Variants in RGMA observed in about 807,000 individuals in gnomAD.
The protein encoded by RGMA is repulsive guidance molecule A.
Under a neutral mutation model 23.2 loss-of-function variants are expected in RGMA, and 10 were observed. The ratio of observed to expected loss-of-function variants is 0.43; its 90% CI spans 0.27 to 0.73. The LOEUF (loss-of-function observed/expected upper bound fraction) is 0.73. Ranked by LOEUF, RGMA falls within the 30% of genes least tolerant of loss-of-function variation. The probability of loss-of-function intolerance (pLI) is 0.20; values close to 1 mark genes in which losing one functional copy is unlikely to be tolerated. For missense variants in RGMA, 547 were observed against 630.5 expected, an observed-to-expected ratio of 0.87 and a Z score of 1.42; for synonymous variants, 308 against 279.3, an observed-to-expected ratio of 1.10 and a Z score of -1.03.
At chr15:93,067,362 T>C (rs1895191418) in intron 2 of RGMA, among the ~76,000 whole-genome samples, 1 of 151,972 alleles carries the variant, frequency 6.6e-6, no homozygotes, top group African/African-American at 2.4e-5. Flanking sequence ...CCAAGGGCCC[T>C]GTAGTTCCCA....
chr15:93,043,163 CACATGCGCACACACATGCCT>C lies in RGMA; in HGVS notation c.*1815_*1834del, dbSNP rs1285805688. 2.6e-5 allele frequency: 4 copies of C among 152,284 alleles called. No homozygotes were observed. Among genetic ancestry groups the C allele is most frequent in the African/African-American group, 4.8e-5 (2 of 41,440 alleles). 9.4% of individuals were successfully genotyped at this position (152,284 alleles called of 1,614,324 possible). ...CCTTCACACCATTCTCACGCACATA[CACATGCGCACACACATGCCT>C]ACATGCACACACATAGGCATGGGCG... On this transcript the variant is annotated 3_prime_UTR_variant, in exon 4 of 4. Coordinates refer to ENST00000329082, the MANE Select transcript of RGMA (RefSeq NM_020211.3).
At chr15:93,069,425 A>AT (rs1895256087) in intron 2 of RGMA, among the ~76,000 whole-genome samples, 1 of 152,238 alleles carries the variant, frequency 6.6e-6, no homozygotes, top group African/African-American at 2.4e-5. Flanking sequence ...ATTTTTGAAT[A>AT]GCAGCTCTGA....
In RGMA at chr15:93,043,356, C is replaced by G. The variant is rs1444890197; in HGVS notation, c.*1642G>C. 6.6e-6 allele frequency: 1 copy of G among 152,470 alleles called. No homozygotes were observed. The highest frequency in any genetic ancestry group is 2.4e-5 in the African/African-American group (1 of 41,388). 9.4% of individuals were successfully genotyped at this position (152,470 alleles called of 1,614,324 possible). A position where few individuals can be genotyped will look rare whatever the true frequency, so the allele number is the denominator to read the frequency against. ...TCCCACCACCAAAGTCCATCCTCCA[C>G]CCGCCTCAAGGGAGCCAAAGTCTGT... On this transcript the variant is annotated 3_prime_UTR_variant, in exon 4 of 4. Coordinates refer to ENST00000329082, the MANE Select transcript of RGMA (RefSeq NM_020211.3).
chr15:93,075,592 T>C (rs2141844190), intron 1 of RGMA, among the ~76,000 whole-genome samples: 1 of 152,258 alleles, frequency 6.6e-6, no homozygotes, highest in Admixed American at 6.5e-5. Flanking sequence ...TTCAGTTGGT[T>C]CTTCTCGCAG....
intron 1 of RGMA, among the ~76,000 whole-genome samples, chr15:93,081,453 A>G (rs1484928679): frequency 6.6e-6 from 1 of 152,216 alleles, no homozygotes; most frequent in Non-Finnish European, 1.5e-5. Flanking sequence ...ACCTGAAACC[A>G]TACCTTAGAA....
In RGMA at chr15:93,038,618, A is replaced by G. The variant is rs1288128528; in HGVS notation, c.*6380T>C. 7.8e-6 allele frequency: 1 copy of G among 128,602 alleles called. No individual in the cohort carries two copies. The highest frequency in any genetic ancestry group is 1.6e-5 in the Non-Finnish European group (1 of 60,986). 8.0% of individuals were successfully genotyped at this position (128,602 alleles called of 1,614,324 possible). ...TGTCTTGCTCTGTCGCCCAGGCTGG[A>G]GGCTGGAGTGCAGTGGTGCGATCTC... On this transcript the variant is annotated 3_prime_UTR_variant, in exon 4 of 4. Transcript: ENST00000329082.
chr15:93,072,783 C>G (rs1010606942), intron 2 of RGMA, 133 bp downstream of exon 2: 25 of 1,012,856 alleles, frequency 2.5e-5, no homozygotes, highest in Non-Finnish European at 3.3e-5. Flanking sequence ...AAACAAAAGA[C>G]CCGTGGAAAT....
At chr15:93,054,816 G>A (rs754684371) in intron 2 of RGMA, among the ~76,000 whole-genome samples, 1 of 152,164 alleles carries the variant, frequency 6.6e-6, no homozygotes, top group Admixed American at 6.5e-5. Flanking sequence ...TCCCTCCCAA[G>A]GCAACGAGAA....
rs974616634 is a variant in RGMA at position 93,042,220 on chromosome 15, A to G, written c.*2778T>C. The G allele has an allele frequency of 6.6e-6, 1 of 152,296 alleles. No individual in the cohort carries two copies. Among genetic ancestry groups the G allele is most frequent in the Non-Finnish European group, 1.5e-5 (1 of 68,094 alleles). The allele number at this position is 152,296 out of a possible 1,614,324, so 9.4% of individuals were successfully genotyped here. On this transcript the variant is annotated 3_prime_UTR_variant, in exon 4 of 4. Coordinates refer to ENST00000329082, the MANE Select transcript of RGMA (RefSeq NM_020211.3). ...CTTCAGCCTTCCTGGTCTGCCTGGG[A>G]TTAATGAACTTGGCCACTCTTGGGA... is the stretch of plus-strand genomic sequence containing the variant.
At chr15:93,063,587 C>T (rs1181984089) in intron 2 of RGMA, among the ~76,000 whole-genome samples, 1 of 152,252 alleles carries the variant, frequency 6.6e-6, no homozygotes, top group African/African-American at 2.4e-5. Context: ...GAAAGGAACA[C>T]ACCCAGGTGA....
intron 2 of RGMA, chr15:93,065,491 G>A (rs527291856): frequency 2.2e-4 from 109 of 506,292 alleles, no homozygotes; most frequent in South Asian, 1.4e-3. Flanking sequence ...ATGAATTATG[G>A]GAAACGGGGA....
intron 2 of RGMA, among the ~76,000 whole-genome samples, chr15:93,061,640 TCTGA>T (rs1196849047): frequency 3.3e-5 from 5 of 152,332 alleles, no homozygotes; most frequent in African/African-American, 9.6e-5. Context: ...ACACAGCACG[TCTGA>T]CTTAGTTCTT....
At position 93,072,709 on chromosome 15, in the gene RGMA, CGGGCAGGGT is replaced by C. The variant is rs1484585084; in HGVS notation, c.130+198_130+206del. On this transcript the variant is annotated intron_variant, in intron 2 of 3. Coordinates refer to ENST00000329082, the MANE Select transcript of RGMA (RefSeq NM_020211.3). ...CACACGGCTCCATCTCACGGCAACT[CGGGCAGGGT>C]GCCCCTCTCCGGGTCCCCAAGGGCA... 4.6e-5 allele frequency among the ~76,000 whole-genome samples: 7 copies of C among 152,312 alleles called. No individual in the cohort carries two copies. In the South Asian group the frequency reaches 1.2e-3, roughly 27 times the overall value.
At chr15:93,078,335 C>G (rs1289606494) in intron 1 of RGMA, among the ~76,000 whole-genome samples, 2 of 152,254 alleles carry the variant, frequency 1.3e-5, no homozygotes, top group African/African-American at 4.8e-5. Context: ...CCACCATTCA[C>G]TTACTGACCA....
At chr15:93,056,972 G>A (rs911951494) in intron 2 of RGMA, among the ~76,000 whole-genome samples, 5 of 152,162 alleles carry the variant, frequency 3.3e-5, no homozygotes, top group African/African-American at 1.2e-4. Flanking sequence ...GGGACAGGAG[G>A]GGCATTGGAG....
chr15:93,049,839 G>C (rs921542066), intron 3 of RGMA, among the ~76,000 whole-genome samples: 2 of 152,228 alleles, frequency 1.3e-5, no homozygotes, highest in South Asian at 2.1e-4. Context: ...GAGGGGAAAG[G>C]GGAGTGGGTT....
chr15:93,060,370 T>C lies in RGMA; in HGVS notation c.131-7863A>G, dbSNP rs562673825. Among the ~76,000 whole-genome samples the C allele has an allele frequency of 1.4e-4, 21 of 152,280 alleles. No individual in the cohort carries two copies. In the East Asian group the frequency reaches 3.3e-3, roughly 24 times the overall value. Reference sequence around the variant, plus strand: ...CTTGAATTTTCCTGATTAGCTATAGTGGGGCAAAAAGGAGAATCCAGAAGT... The same window carrying C: ...CTTGAATTTTCCTGATTAGCTATAGCGGGGCAAAAAGGAGAATCCAGAAGT... On this transcript the variant is annotated intron_variant, in intron 2 of 3. Coordinates refer to ENST00000329082, the MANE Select transcript of RGMA (RefSeq NM_020211.3).
Position 93,089,000 on chromosome 15 carries a change from G to C in RGMA, c.-68C>G. On this transcript the variant is annotated 5_prime_UTR_variant, in exon 1 of 4. Transcript: ENST00000329082. Reference sequence around the variant, plus strand: ...GGAGAAGAGGGGGTGTCGGGGCGCCGCTCGTCTGCCCCGGGGCAAGGTGGG... The same window carrying C: ...GGAGAAGAGGGGGTGTCGGGGCGCCCCTCGTCTGCCCCGGGGCAAGGTGGG... 1.8e-6 allele frequency: 2 copies of C among 1,111,780 alleles called. No homozygotes were observed. Among genetic ancestry groups the C allele is most frequent in the South Asian group, 1.9e-5 (1 of 51,622 alleles). The allele number at this position is 1,111,780 out of a possible 1,614,324, so 68.9% of individuals were successfully genotyped here.
intron 2 of RGMA, among the ~76,000 whole-genome samples, chr15:93,065,388 TGATAAGG>T (rs891659995): frequency 6.8e-6 from 1 of 147,174 alleles, no homozygotes; most frequent in Non-Finnish European, 1.5e-5. Flanking sequence ...CTTCAACCCT[TGATAAGG>T]GAAGAAAAAA....
Sources: allele counts gnomAD v4.1 joint callset (sites outside exome capture counted in the v4.1 genomes callset), GRCh38; gene constraint gnomAD v4.1.1; transcripts MANE v1.5; gene names NCBI Gene and HGNC (gene_info 2026-07-23, HGNC 2026-07-21).